The following CELSR3 variants were observed in gnomAD, a reference collection of about 807,000 sequenced individuals.
CELSR3 encodes cadherin EGF LAG seven-pass G-type receptor 3.
CELSR3 carries 73 observed loss-of-function variants against 270.0 expected under a neutral mutation model. That is an observed-to-expected ratio of 0.27 (90% CI 0.22 to 0.33). The LOEUF is 0.33. Among genes scored for constraint, CELSR3 ranks in the 10% least tolerant of loss-of-function variants. The pLI, the probability that CELSR3 is intolerant of heterozygous loss-of-function variation, is 1.00. For synonymous variants in CELSR3, 1,780 were observed against 1,905.4 expected (o/e 0.93, Z 1.71); for missense variants, 3,614 against 4,533.8 (o/e 0.80, Z 5.83).
Position 48,640,245 on chromosome 3 carries a change from G to C in CELSR3, c.9340C>G (p.Pro3114Ala). Residue 3114 changes from proline to alanine, a missense_variant, in exon 34 of 35, where the codon CCC (proline) becomes GCC (alanine). Pro to Ala is a conservative substitution (Grantham distance 27). Coordinates refer to ENST00000164024, the MANE Select transcript of CELSR3 (RefSeq NM_001407.3). This position sits in a 1 kb window ranked among gnomAD's most constrained non-coding sequence, Gnocchi z 7.5. ...GGCAGGGTGCTGCCCCGATCTTTGG[G>C]CTCCAGTCGGCCTGGTGCAGCATCC... ...CMDAAPGRLEPKDRGSTLPRR... is the reference protein window; with the variant it reads ...CMDAAPGRLEAKDRGSTLPRR... The C allele has an allele frequency of 6.2e-7, 1 of 1,612,772 alleles. No individual in the cohort carries two copies. The highest frequency in any genetic ancestry group is 1.1e-5 in the South Asian group (1 of 91,076).
intron 20 of CELSR3, among the ~76,000 whole-genome samples, chr3:48,647,178 G>A (rs1399690417): frequency 4.1e-4 from 17 of 41,642 alleles, no homozygotes; most frequent in East Asian, 1.4e-3. Context: ...GGAGGGTGGA[G>A]GGGAGATGTG....
At chr3:48,643,922 G>A (rs565869468) in intron 27 of CELSR3, 75 of 593,420 alleles carry the variant, frequency 1.3e-4, no homozygotes, top group Admixed American at 9.0e-4. Flanking sequence ...ACAAGGGAGG[G>A]CACGGAAGAC....
chr3:48,656,237 C>T lies in CELSR3; in HGVS notation c.4528G>A (p.Gly1510Ser). 6.5e-7 allele frequency: 1 copy of T among 1,534,856 alleles called. No individual in the cohort carries two copies. Among genetic ancestry groups the T allele is most frequent in the South Asian group, 1.2e-5 (1 of 84,016 alleles). The change falls in exon 3 of 35, where the codon GGC (glycine) becomes AGC (serine). Residue 1510 changes from glycine (G) to serine (S), a missense_variant. Coordinates refer to ENST00000164024, the MANE Select transcript of CELSR3 (RefSeq NM_001407.3). ...CQCPAGGAFE[G>S]PRCEVAARSF... is the part of the protein sequence containing the mutation. ...CGCGCAGCCACCTCGCAGCGCGGGC[C>T]CTCGAAGGCGCCGCCTGCCGGGCAC...
In CELSR3 at chr3:48,659,776, G is replaced by A. The variant is rs754788054; in HGVS notation, c.2859C>T (p.Asp953=). 38 of 1,614,102 alleles carry A rather than the reference G, an allele frequency of 2.4e-5. No individual in the cohort carries two copies. The highest frequency in any genetic ancestry group is 1.8e-4 in the Admixed American group (11 of 60,006). Residue 953 remains aspartate (D), a synonymous_variant, in exon 1 of 35, where the codon GAC becomes GAT. Coordinates refer to ENST00000164024, the MANE Select transcript of CELSR3 (RefSeq NM_001407.3). The surrounding 1 kb of genome is among the most constrained non-coding windows in gnomAD (Gnocchi z 8.1). The part of the protein sequence containing the change: ...DTTYVEVMVN[D]VNDNAPQFVA... ...CAAATTGTGGAGCATTGTCATTCAC[G>A]TCATTGACCATCACCTCCACATAAG...
Position 48,648,415 on chromosome 3 carries a change from T to C in CELSR3, c.6824A>G (p.Asp2275Gly). 2 of 1,603,730 alleles carry C rather than the reference T, an allele frequency of 1.2e-6. No individual in the cohort carries two copies. The highest frequency in any genetic ancestry group is 1.7e-6 in the Non-Finnish European group (2 of 1,176,390). ...GSALLAPETGDLWAALGQRAP... is the reference protein window; with the variant it reads ...GSALLAPETGGLWAALGQRAP... Reference sequence around the variant, plus strand: ...CCGCTGCCCCAGCGCCGCCCACAAGTCCCCTGTCTCTGGGGCAAGCAGTGC... The same window carrying C: ...CCGCTGCCCCAGCGCCGCCCACAAGCCCCCTGTCTCTGGGGCAAGCAGTGC... Residue 2275 changes from aspartate (D) to glycine (G), a missense_variant, in exon 19 of 35, where the codon GAC becomes GGC. Physicochemically the swap from Asp to Gly is moderately conservative, Grantham distance 94. This residue lies in a region of CELSR3 where 1,331 missense variants were observed against 1,933.7 expected (regional missense o/e 0.69). Coordinates refer to ENST00000164024, the MANE Select transcript of CELSR3 (RefSeq NM_001407.3).
intron 17 of CELSR3, 76 bp from the exon 18 acceptor site, chr3:48,649,004 C>T (rs1015102593): frequency 2.4e-5 from 38 of 1,564,040 alleles, no homozygotes; most frequent in Non-Finnish European, 2.7e-5. Flanking sequence ...AAAGCCTTGC[C>T]AGATTAAAGG....
At position 48,646,873 on chromosome 3, in the gene CELSR3, T is replaced by TG; in HGVS notation, c.7184dup (p.Pro2396ThrfsTer135). On this transcript the variant is annotated frameshift_variant, in exon 21 of 35. Coordinates refer to ENST00000164024, the MANE Select transcript of CELSR3 (RefSeq NM_001407.3). LOFTEE classifies it high-confidence loss of function. This position sits in a 1 kb window ranked among gnomAD's most constrained non-coding sequence, Gnocchi z 4.8. ...CAGGCTCTGGCTCTGGCGGGGCTGG[T>TG]GGGGGGACCACACTTGAGGTGGTGG... is the stretch of plus-strand genomic sequence containing the variant. The TG allele has an allele frequency of 6.3e-7, 1 of 1,588,604 alleles. No homozygotes were observed.
At chr3:48,656,613 T>G in intron 2 of CELSR3, 85 bp downstream of exon 2, 1 of 1,409,886 alleles carries the variant, frequency 7.1e-7, no homozygotes, top group Non-Finnish European at 9.3e-7. Context: ...GCCTCAGAAG[T>G]GACTCCCAGT....
rs769169447 is a variant in CELSR3 at position 48,646,269 on chromosome 3, C to T, written c.7296-12G>A. 2.1e-5 allele frequency: 33 copies of T among 1,605,308 alleles called. No individual in the cohort carries two copies. The highest frequency in any genetic ancestry group is 1.3e-5 in the African/African-American group (1 of 74,752). On this transcript the variant is annotated splice_polypyrimidine_tract_variant and intron_variant, in intron 21 of 34. Transcript: ENST00000164024. This position sits in a 1 kb window ranked among gnomAD's most constrained non-coding sequence, Gnocchi z 4.8. ...GGTTCTGAGGAAGCCTGGGGAGACA[C>T]CCATCTGGGCTTACGCACTGCTGAC...
chr3:48,643,875 T>G (rs1278756707), intron 27 of CELSR3, 198 bp from the exon 28 acceptor site: 20 of 634,404 alleles, frequency 3.2e-5, no homozygotes, highest in Non-Finnish European at 5.4e-5. Flanking sequence ...CAAAGAGCCA[T>G]GAGGACACGT....
At chr3:48,647,174 TGGAGGGGAGATGTG>T (rs1475500933) in intron 20 of CELSR3, among the ~76,000 whole-genome samples, 1 of 33,326 alleles carries the variant, frequency 3.0e-5, no homozygotes, top group Non-Finnish European at 5.6e-5. Context: ...GGAGGGAGGG[TGGAGGGGAGATGTG>T]GGAGGGTGGA....
rs1460231949 is a variant in CELSR3, at chr3:48,661,923, C to T, written c.712G>A (p.Ala238Thr). 3 of 1,613,044 alleles carry T rather than the reference C, an allele frequency of 1.9e-6. No individual in the cohort carries two copies. The highest frequency in any genetic ancestry group is 2.5e-6 in the Non-Finnish European group (3 of 1,179,996). The change falls in exon 1 of 35, where the codon GCC (alanine) becomes ACC (threonine). Residue 238 changes from alanine (A) to threonine (T), a missense_variant. Transcript: ENST00000164024. ...TCCAGCTCGGGGCCAGATCCCGAGG[C>T]CCCTGGAAGACAGTTCCGCCGGGGG... The part of the protein sequence containing the change: ...TAPRRNCLPG[A>T]SGSGPELDSA...
In CELSR3 at chr3:48,650,234, T is replaced by C. The variant is rs2047124649; in HGVS notation, c.6472+246A>G. Reference sequence around the variant, plus strand: ...GAGGGGTCTGCAAAAGCTCTGGTAGTGGGAGGGGGCAGTGCACCTGAGCAA... The same window carrying C: ...GAGGGGTCTGCAAAAGCTCTGGTAGCGGGAGGGGGCAGTGCACCTGAGCAA... On this transcript the variant is annotated intron_variant, in intron 16 of 34. Coordinates refer to ENST00000164024, the MANE Select transcript of CELSR3 (RefSeq NM_001407.3). This position sits in a 1 kb window ranked among gnomAD's most constrained non-coding sequence, Gnocchi z 5.1. 2 of 621,530 alleles carry C rather than the reference T, an allele frequency of 3.2e-6. No homozygotes were observed. Among genetic ancestry groups the C allele is most frequent in the African/African-American group, 3.6e-5 (2 of 55,244 alleles). 38.5% of individuals were successfully genotyped at this position (621,530 alleles called of 1,614,324 possible).
In CELSR3 at chr3:48,637,463, C is replaced by G. The variant is rs1428022132; in HGVS notation, c.*742G>C. On this transcript the variant is annotated 3_prime_UTR_variant, in exon 35 of 35. Coordinates refer to ENST00000164024, the MANE Select transcript of CELSR3 (RefSeq NM_001407.3). ...ACCGACCCTCTGCAGGAATGTCTGA[C>G]TAGAGGCCCGAGCCCCTCCCCGTGG... The G allele has an allele frequency of 2.6e-5, 4 of 152,630 alleles. No individual in the cohort carries two copies. Among genetic ancestry groups the G allele is most frequent in the Non-Finnish European group, 4.4e-5 (3 of 68,062 alleles). The allele number at this position is 152,630 out of a possible 1,614,324, so 9.5% of individuals were successfully genotyped here. A position where few individuals can be genotyped will look rare whatever the true frequency, so the allele number is the denominator to read the frequency against.
Position 48,650,604 on chromosome 3 carries a change from G to A in CELSR3, c.6371-23C>T. 6.3e-7 allele frequency: 1 copy of A among 1,579,766 alleles called. No homozygotes were observed. The highest frequency in any genetic ancestry group is 8.6e-7 in the Non-Finnish European group (1 of 1,163,112). Reference sequence around the variant, plus strand: ...GCACTAGAGAGAGAAGAGGTGCTGAGCCAGGCAGTCAGGGTACAGGGCAGT... The same window carrying A: ...GCACTAGAGAGAGAAGAGGTGCTGAACCAGGCAGTCAGGGTACAGGGCAGT... On this transcript the variant is annotated intron_variant, in intron 15 of 34. Coordinates refer to ENST00000164024, the MANE Select transcript of CELSR3 (RefSeq NM_001407.3). This position sits in a 1 kb window ranked among gnomAD's most constrained non-coding sequence, Gnocchi z 5.1.
chr3:48,657,571 A>G lies in CELSR3; in HGVS notation c.3749-223T>C, dbSNP rs983253662. 3.3e-5 allele frequency among the ~76,000 whole-genome samples: 5 copies of G among 152,160 alleles called. No individual in the cohort carries two copies. Among genetic ancestry groups the G allele is most frequent in the Admixed American group, 6.5e-5 (1 of 15,278 alleles). On this transcript the variant is annotated intron_variant, in intron 1 of 34. Coordinates refer to ENST00000164024, the MANE Select transcript of CELSR3 (RefSeq NM_001407.3). This position sits in a 1 kb window ranked among gnomAD's most constrained non-coding sequence, Gnocchi z 5.4. The stretch of plus-strand genomic sequence containing the variant: ...TCCTCCCCCAATCCCCAATACACGG[A>G]GGGGTCTGGGCCAAGGATCAAGCAA...
At position 48,659,727 on chromosome 3, in the gene CELSR3, C is replaced by T. The variant is rs770511042; in HGVS notation, c.2908G>A (p.Val970Ile). 13 of 1,614,106 alleles carry T rather than the reference C, an allele frequency of 8.1e-6. No homozygotes were observed. The highest frequency in any genetic ancestry group is 1.0e-5 in the Non-Finnish European group (12 of 1,180,042). The change falls in exon 1 of 35, where the codon GTC becomes ATC. Residue 970 changes from valine to isoleucine, a missense_variant. By Grantham distance (29) the Val-to-Ile change is conservative. This residue lies in a region of CELSR3 where 1,331 missense variants were observed against 1,933.7 expected (regional missense o/e 0.69). Coordinates refer to ENST00000164024, the MANE Select transcript of CELSR3 (RefSeq NM_001407.3). This position sits in a 1 kb window ranked among gnomAD's most constrained non-coding sequence, Gnocchi z 8.1. ...GTGAAAGGTGGGGCATCCTCAGAGA[C>T]CAGCCCTGTATAGTGGGAGGCCACA... Reference protein sequence around the residue: ...QFVASHYTGLVSEDAPPFTSV... With the variant: ...QFVASHYTGLISEDAPPFTSV...
At chr3:48,647,034 C>A in intron 20 of CELSR3, 106 bp from the exon 21 acceptor site, 1 of 1,146,242 alleles carries the variant, frequency 8.7e-7, no homozygotes, top group Non-Finnish European at 1.2e-6. Flanking sequence ...CCTGCAGGAG[C>A]AGAATTGGGG....
chr3:48,642,010 C>T lies in CELSR3; in HGVS notation c.8666-1G>A. The T allele has an allele frequency of 6.5e-7, 1 of 1,527,312 alleles. No individual in the cohort carries two copies. The highest frequency in any genetic ancestry group is 8.8e-7 in the Non-Finnish European group (1 of 1,140,634). 94.6% of individuals were successfully genotyped at this position (1,527,312 alleles called of 1,614,324 possible). ...TCACTGTCAGAGTCGGAGTCTGCGC[C>T]TGGAGTTGGGAAAGTCAGAAGTACT... On this transcript the variant is annotated splice_acceptor_variant, in intron 31 of 34. Coordinates refer to ENST00000164024, the MANE Select transcript of CELSR3 (RefSeq NM_001407.3). LOFTEE classifies it high-confidence loss of function. The surrounding 1 kb of genome is among the most constrained non-coding windows in gnomAD (Gnocchi z 6.1).
Sources: allele counts gnomAD v4.1 joint callset (sites outside exome capture counted in the v4.1 genomes callset), GRCh38; gene constraint gnomAD v4.1.1; regional missense constraint gnomAD v4.1.1; non-coding constraint Gnocchi (gnomAD v3.1); transcripts MANE v1.5; gene names NCBI Gene and HGNC (gene_info 2026-07-23, HGNC 2026-07-21).